Variants in HAPLN1 observed in about 807,000 individuals in gnomAD.
The protein encoded by HAPLN1 is hyaluronan and proteoglycan link protein 1, also known as Cartilage link protein.
A neutral mutation model predicts 36.5 loss-of-function variants in HAPLN1; 13 were observed. The observed-to-expected ratio is 0.36, with a 90% CI of 0.23 to 0.57. The LOEUF (loss-of-function observed/expected upper bound fraction) is 0.57. HAPLN1 is among the 20% of genes least tolerant of loss of function. HAPLN1 has a pLI of 0.83. For missense variants in HAPLN1, 407 were observed against 439.7 expected (o/e 0.93, Z 0.66); for synonymous variants, 202 against 169.8 (o/e 1.19, Z -1.48).
rs186836168 is a variant in HAPLN1 at position 83,676,619 on chromosome 5, G to C, written c.-26-3070C>G. 1.6e-3 allele frequency among the ~76,000 whole-genome samples: 246 copies of C among 152,316 alleles called. 1 individual carries two copies. Among genetic ancestry groups the C allele is most frequent in the African/African-American group, 5.7e-3 (237 of 41,564 alleles). The stretch of plus-strand genomic sequence containing the variant: ...TCAGACATAGTAGGTGGTCATGTGA[G>C]TAAATAAATCTGAGTCCTGCTTGTT... On this transcript the variant is annotated intron_variant, in intron 1 of 4. Coordinates refer to ENST00000274341, the MANE Select transcript of HAPLN1 (RefSeq NM_001884.4).
At chr5:83,714,430 A>C (rs1751871504) in intron 1 of HAPLN1, among the ~76,000 whole-genome samples, 1 of 152,238 alleles carries the variant, frequency 6.6e-6, no homozygotes, top group South Asian at 2.1e-4. Context: ...AATTAAACAT[A>C]AACTGAGAAG....
Position 83,686,292 on chromosome 5 carries a change from A to G in HAPLN1, c.-26-12743T>C, listed in dbSNP as rs191694441. ...TTAACCTACCTGTCTTAAAAGGAGA[A>G]AATTATGACAGGTAAAACAACGAAA... On this transcript the variant is annotated intron_variant, in intron 1 of 4. Transcript: ENST00000274341. Among the ~76,000 whole-genome samples the G allele has an allele frequency of 3.7e-3, 562 of 152,286 alleles. 3 individuals are homozygous for G. The highest frequency in any genetic ancestry group is 6.6e-3 in the Non-Finnish European group (450 of 68,026).
At chr5:83,707,594 TA>T (rs1221183490) in intron 1 of HAPLN1, among the ~76,000 whole-genome samples, 1 of 152,110 alleles carries the variant, frequency 6.6e-6, no homozygotes, top group Non-Finnish European at 1.5e-5. Flanking sequence ...CAAGATTAAT[TA>T]AAAACTTAAA....
At chr5:83,704,834 T>G (rs1227050838) in intron 1 of HAPLN1, among the ~76,000 whole-genome samples, 2 of 152,252 alleles carry the variant, frequency 1.3e-5, no homozygotes, top group East Asian at 3.9e-4. Flanking sequence ...ACTGACAGTA[T>G]TAGACAGATC....
Position 83,641,703 on chromosome 5 carries a change from A to G in HAPLN1, c.858T>C (p.Ile286=), listed in dbSNP as rs1331271553. The G allele has an allele frequency of 2.4e-5, 39 of 1,614,076 alleles. No individual in the cohort carries two copies. Among genetic ancestry groups the G allele is most frequent in the Non-Finnish European group, 2.8e-5 (33 of 1,180,048 alleles). ...CAGCAAATATCTGGCCCACTTTTGC[A>G]ATCTGAGCACCATCATTGAGACAAG... ...VQACLNDGAQ[I]AKVGQIFAAW... Residue 286 remains isoleucine, a synonymous_variant, in exon 5 of 5, where the codon ATT becomes ATC. Transcript: ENST00000274341.
chr5:83,715,917 G>T (rs1403526846), intron 1 of HAPLN1, among the ~76,000 whole-genome samples: 1 of 152,132 alleles, frequency 6.6e-6, no homozygotes, highest in Non-Finnish European at 1.5e-5. Flanking sequence ...AACATTTCGG[G>T]TTTATGACAT....
intron 1 of HAPLN1, among the ~76,000 whole-genome samples, chr5:83,714,567 CA>C (rs59904187): frequency 0.29 from 43,972 of 151,942 alleles, 6,784 homozygotes; most frequent in East Asian, 0.41. Context: ...TCTCTGAAAC[CA>C]ATTTTACTGT....
chr5:83,692,567 G>C (rs1057133571), intron 1 of HAPLN1, among the ~76,000 whole-genome samples: 1 of 151,762 alleles, frequency 6.6e-6, no homozygotes, highest in African/African-American at 2.4e-5. Context: ...TAAAGACTTT[G>C]TTAGACATAC....
intron 3 of HAPLN1, among the ~76,000 whole-genome samples, chr5:83,648,565 T>C (rs2112561008): frequency 6.6e-6 from 1 of 151,674 alleles, no homozygotes; most frequent in African/African-American, 2.4e-5. Flanking sequence ...GAATTTTTTT[T>C]TCTAATTAGT....
chr5:83,673,586 T>A, intron 1 of HAPLN1, 37 bp from the exon 2 acceptor site: 1 of 1,177,976 alleles, frequency 8.5e-7, no homozygotes, highest in East Asian at 2.3e-5. Context: ...CTTGTGAGAT[T>A]TGGAACCCTT....
chr5:83,696,310 T>G (rs1751387940), intron 1 of HAPLN1, among the ~76,000 whole-genome samples: 1 of 152,126 alleles, frequency 6.6e-6, no homozygotes, highest in African/African-American at 2.4e-5. Flanking sequence ...CTCAATATTA[T>G]TAAGAGATTC....
intron 1 of HAPLN1, among the ~76,000 whole-genome samples, chr5:83,697,058 C>G (rs1183633939): frequency 1.3e-5 from 2 of 152,080 alleles, no homozygotes; most frequent in Admixed American, 6.6e-5. Context: ...ATTCCCTCCC[C>G]CACCAGGATT....
Position 83,688,642 on chromosome 5 carries a change from C to CTTTT in HAPLN1, c.-26-15097_-26-15094dup, listed in dbSNP as rs539790396. ...TATTTGCCAAATGCAGCTTTTGATT[C>CTTTT]TTTTTTTTTTTTTTTTTTTTTTTTT... is the stretch of plus-strand genomic sequence containing the variant. On this transcript the variant is annotated intron_variant, in intron 1 of 4. Transcript: ENST00000274341. Among the ~76,000 whole-genome samples, 23 of 80,586 alleles carry CTTTT rather than the reference C, an allele frequency of 2.9e-4. 1 individual carries two copies. The highest frequency in any genetic ancestry group is 4.2e-4 in the African/African-American group (8 of 19,104). The allele number at this position is 80,586 out of a possible 152,430, so 52.9% of individuals were successfully genotyped here.
rs192011788 is a variant in HAPLN1, at chr5:83,639,508, G to C, written c.*1988C>G. ...CACTTGTATTTTCAACAAAATTATC[G>C]GAACATACATAATAATAGTTCAAGT... is the stretch of plus-strand genomic sequence containing the variant. On this transcript the variant is annotated 3_prime_UTR_variant, in exon 5 of 5. Coordinates refer to ENST00000274341, the MANE Select transcript of HAPLN1 (RefSeq NM_001884.4). 2 of 151,900 alleles carry C rather than the reference G, an allele frequency of 1.3e-5. No homozygotes were observed. The highest frequency in any genetic ancestry group is 3.9e-4 in the East Asian group (2 of 5,190). The allele number at this position is 151,900 out of a possible 1,614,324, so 9.4% of individuals were successfully genotyped here.
intron 1 of HAPLN1, among the ~76,000 whole-genome samples, chr5:83,689,007 T>C (rs1231047014): frequency 1.3e-5 from 2 of 152,202 alleles, no homozygotes; most frequent in African/African-American, 2.4e-5. Context: ...TCTTAGTACA[T>C]GCATTGTATT....
intron 3 of HAPLN1, among the ~76,000 whole-genome samples, chr5:83,649,894 T>C (rs376061372): frequency 3.8e-4 from 58 of 152,360 alleles, no homozygotes; most frequent in African/African-American, 1.4e-3. Flanking sequence ...CACTTGAATG[T>C]CCTCAAGTAG....
chr5:83,708,069 C>T (rs1384289295), intron 1 of HAPLN1, among the ~76,000 whole-genome samples: 1 of 152,184 alleles, frequency 6.6e-6, no homozygotes, highest in African/African-American at 2.4e-5. Flanking sequence ...ATAACAGATG[C>T]TGGTGTGGTT....
chr5:83,645,288 CT>C (rs1259136199), intron 3 of HAPLN1, among the ~76,000 whole-genome samples: 3 of 151,978 alleles, frequency 2.0e-5, no homozygotes, highest in Non-Finnish European at 4.4e-5. Context: ...CTTCTAATAA[CT>C]TGCAGATAAG....
At chr5:83,642,976 C>T (rs904565829) in intron 4 of HAPLN1, among the ~76,000 whole-genome samples, 1 of 152,080 alleles carries the variant, frequency 6.6e-6, no homozygotes, top group African/African-American at 2.4e-5. Context: ...GCCTTTGCAG[C>T]AGACACCATA....
Sources: gnomAD v4.1 joint callset for allele counts (sites outside exome capture counted in the v4.1 genomes callset) on GRCh38, gnomAD v4.1.1 for gene constraint, MANE v1.5 for transcripts, NCBI Gene and HGNC (gene_info 2026-07-23, HGNC 2026-07-21) for gene names.